C6: variants seen among roughly 807,000 people sequenced by gnomAD.
The protein encoded by C6 is complement component C6.
Under a neutral mutation model 112.9 loss-of-function variants are expected in C6, and 101 were observed. The ratio of observed to expected loss-of-function variants is 0.89; its 90% CI spans 0.76 to 1.06. The LOEUF is 1.06. C6 is among the 50% of genes least tolerant of loss of function. C6 has a pLI of 0.00. For synonymous variants in C6, 431 were observed against 384.1 expected, an observed-to-expected ratio of 1.12 and a Z score of -1.43; for missense variants, 1,202 against 1,104.6, an observed-to-expected ratio of 1.09 and a Z score of -1.25.
intron 1 of C6, among the ~76,000 whole-genome samples, chr5:41,238,281 A>G (rs1409185169): frequency 3.4e-5 from 5 of 144,986 alleles, no homozygotes; most frequent in African/African-American, 1.3e-4. Flanking sequence ...GTCAATCCTA[A>G]GCCAAAAGAA....
intron 1 of C6, chr5:41,213,044 CCTTT>C (rs1297133967): frequency 2.0e-5 from 3 of 152,084 alleles, no homozygotes; most frequent in South Asian, 2.1e-4. Context: ...AAGAAATGAG[CCTTT>C]CTATCTTTCT....
At chr5:41,223,470 C>T (rs1739301534) in intron 1 of C6, among the ~76,000 whole-genome samples, 1 of 152,122 alleles carries the variant, frequency 6.6e-6, no homozygotes, top group South Asian at 2.1e-4. Flanking sequence ...GGACATGGTA[C>T]CTTCATAGCC....
intron 8 of C6, among the ~76,000 whole-genome samples, chr5:41,173,653 A>T (rs2150305259): frequency 6.6e-6 from 1 of 152,282 alleles, no homozygotes; most frequent in South Asian, 2.1e-4. Flanking sequence ...AGGTCATAAT[A>T]GCAGGGATGG....
At chr5:41,185,956 A>G in intron 6 of C6, 114 bp downstream of exon 6, 2 of 1,290,042 alleles carry the variant, frequency 1.6e-6, no homozygotes, top group Non-Finnish European at 2.2e-6. Flanking sequence ...CACGTGATTA[A>G]AATGGTTCAC....
intron 17 of C6, among the ~76,000 whole-genome samples, chr5:41,148,532 G>A (rs946308166): frequency 6.6e-6 from 1 of 152,184 alleles, no homozygotes; most frequent in Admixed American, 6.5e-5. Flanking sequence ...GCAATCTTGA[G>A]CAAGAATGCC....
chr5:41,193,626 A>G (rs1441788277), intron 5 of C6, among the ~76,000 whole-genome samples: 1 of 152,108 alleles, frequency 6.6e-6, no homozygotes, highest in Non-Finnish European at 1.5e-5. Flanking sequence ...GTGTGTATCT[A>G]TACACACACT....
At chr5:41,166,725 G>A (rs1183617008) in intron 9 of C6, among the ~76,000 whole-genome samples, 1 of 152,068 alleles carries the variant, frequency 6.6e-6, no homozygotes, top group East Asian at 1.9e-4. Flanking sequence ...ACGTCTAGGA[G>A]GGCACCTAAC....
At chr5:41,252,629 T>C (rs1741437194) in intron 1 of C6, among the ~76,000 whole-genome samples, 1 of 152,258 alleles carries the variant, frequency 6.6e-6, no homozygotes, top group Non-Finnish European at 1.5e-5. Context: ...TGGGAGAATT[T>C]TACCTTCTGT....
At chr5:41,179,334 A>G (rs1013507627) in intron 7 of C6, among the ~76,000 whole-genome samples, 1 of 152,240 alleles carries the variant, frequency 6.6e-6, no homozygotes, top group Admixed American at 6.5e-5. Flanking sequence ...TGAAATACAT[A>G]TAAATCACAT....
chr5:41,245,780 T>G (rs546439135), intron 1 of C6, among the ~76,000 whole-genome samples: 187 of 152,286 alleles, frequency 1.2e-3, no homozygotes, highest in African/African-American at 4.2e-3. Context: ...AAACCTGGAG[T>G]AAACCCAGGT....
At chr5:41,230,692 T>C (rs577043049) in intron 1 of C6, among the ~76,000 whole-genome samples, 13 of 152,276 alleles carry the variant, frequency 8.5e-5, no homozygotes, top group African/African-American at 3.1e-4. Flanking sequence ...CTACTCTCTG[T>C]TCGTACACCC....
chr5:41,256,990 T>G (rs1741756736), intron 1 of C6, among the ~76,000 whole-genome samples: 2 of 152,206 alleles, frequency 1.3e-5, no homozygotes, highest in African/African-American at 4.8e-5. Flanking sequence ...CTAAAAATAC[T>G]ACAGAGAGTA....
intron 1 of C6, among the ~76,000 whole-genome samples, chr5:41,252,498 C>G (rs894643741): frequency 4.6e-5 from 7 of 152,196 alleles, no homozygotes; most frequent in Admixed American, 1.3e-4. Context: ...CAACTCCAAC[C>G]TGATTCTGAT....
chr5:41,206,176 C>G (rs1751421138), intron 1 of C6, among the ~76,000 whole-genome samples: 1 of 152,192 alleles, frequency 6.6e-6, no homozygotes, highest in Non-Finnish European at 1.5e-5. Flanking sequence ...AGAAGGAAAA[C>G]TAACAAACAT....
chr5:41,201,681 G>T lies in C6; in HGVS notation c.177C>A (p.Asn59Lys). 1 of 1,613,634 alleles carries T rather than the reference G, an allele frequency of 6.2e-7. No individual in the cohort carries two copies. The highest frequency in any genetic ancestry group is 8.5e-7 in the Non-Finnish European group (1 of 1,179,858). Residue 59 changes from asparagine (N) to lysine (K), a missense_variant, in exon 3 of 18, where the codon AAC becomes AAA. By Grantham distance (94) the Asn-to-Lys change is moderately conservative. Transcript: ENST00000337836. ...QIVVDKYYQE[N>K]FCEQICSKQE... is the part of the protein sequence containing the mutation. ...GCTTGCTGCAAATCTGTTCACAAAA[G>T]TTTTCCTGGTAGTACTTATCTACTA...
chr5:41,165,435 A>G (rs1351178725), intron 9 of C6, among the ~76,000 whole-genome samples: 2 of 152,100 alleles, frequency 1.3e-5, no homozygotes, highest in African/African-American at 2.4e-5. Flanking sequence ...TACTGCCAAT[A>G]CTTGTTAATT....
intron 15 of C6, among the ~76,000 whole-genome samples, chr5:41,150,372 C>T (rs1203061031): frequency 2.6e-5 from 4 of 152,170 alleles, no homozygotes; most frequent in South Asian, 2.1e-4. Context: ...TGAGCATAAA[C>T]TGACCCAGAT....
chr5:41,199,946 G>T, intron 3 of C6, 34 bp from the exon 4 acceptor site: 1 of 1,611,916 alleles, frequency 6.2e-7, no homozygotes, highest in East Asian at 2.2e-5. Flanking sequence ...ATAACTCTGA[G>T]GCAGGGTCAA....
At chr5:41,222,802 T>C (rs566400766) in intron 1 of C6, among the ~76,000 whole-genome samples, 2 of 152,264 alleles carry the variant, frequency 1.3e-5, no homozygotes, top group African/African-American at 4.8e-5. Flanking sequence ...GTCCTTCGGG[T>C]TTATAGCATT....
Sources: allele counts gnomAD v4.1 joint callset (sites outside exome capture counted in the v4.1 genomes callset), GRCh38; gene constraint gnomAD v4.1.1; transcripts MANE v1.5; gene names NCBI Gene and HGNC (gene_info 2026-07-23, HGNC 2026-07-21).